The following SYNE1 variants were observed in gnomAD, a reference collection of about 807,000 sequenced individuals.
SYNE1 encodes spectrin repeat containing nuclear envelope protein 1, also known as nesprin-1.
In SYNE1, 616 loss-of-function variants were observed where a neutral mutation model predicts 1,111.0. The ratio of observed to expected loss-of-function variants is 0.55; its 90% CI spans 0.52 to 0.59. SYNE1 has a LOEUF of 0.59. Ranked by LOEUF, SYNE1 falls within the 20% of genes least tolerant of loss-of-function variation. The probability of loss-of-function intolerance (pLI) is 0.00; values close to 1 mark genes in which losing one functional copy is unlikely to be tolerated. For missense variants in SYNE1, 10,006 were observed against 10,417.0 expected, an observed-to-expected ratio of 0.96 and a Z score of 1.72; for synonymous variants, 3,855 against 3,825.8, an observed-to-expected ratio of 1.01 and a Z score of -0.28.
chr6:152,206,457 C>A, intron 125 of SYNE1, 95 bp from the exon 126 acceptor site: 2 of 1,381,018 alleles, frequency 1.4e-6, no homozygotes, highest in Non-Finnish European at 2.0e-6. Context: ...TGCCCTCTTT[C>A]ATCCAGCAAG....
rs889885200 is a variant in SYNE1, at chr6:152,381,199, T to C, written c.8816A>G (p.Gln2939Arg). 6.2e-7 allele frequency: 1 copy of C among 1,614,090 alleles called. No individual in the cohort carries two copies. The highest frequency in any genetic ancestry group is 1.3e-5 in the African/African-American group (1 of 74,926). Residue 2939 changes from glutamine to arginine, a missense_variant, in exon 56 of 146, where the codon CAA becomes CGA. Coordinates refer to ENST00000367255, the MANE Select transcript of SYNE1 (RefSeq NM_182961.4). ...DWKQWEDSVF[Q>R]TQSCLENLVS... ...CAGGTTCTCCAAACAGCTCTGCGTT[T>C]GGAATACACTGTCTTCCCACTGCTT...
chr6:152,377,654 T>TATATATAC (rs2097319096), intron 56 of SYNE1, among the ~76,000 whole-genome samples: 2 of 106,568 alleles, frequency 1.9e-5, no homozygotes, highest in African/African-American at 6.6e-5. Flanking sequence ...TATATATATA[T>TATATATAC]ATATATATAT....
At chr6:152,459,383 C>T (rs183130067) in intron 21 of SYNE1, among the ~76,000 whole-genome samples, 2 of 152,286 alleles carry the variant, frequency 1.3e-5, no homozygotes, top group East Asian at 3.9e-4. Context: ...CCCTTGACTG[C>T]TGATAAACTT....
rs1188100841 is a variant in SYNE1 at position 152,539,969 on chromosome 6, A to G, written c.120T>C (p.His40=). ...KRTFTKWINS[H]LAKRKPPMVV... ...GGGTAGTTTCCTTTACCTTGGCCAG[A>G]TGAGAGTTGATCCATTTTGTGAAAG... The change falls in exon 4 of 146, where the codon CAT becomes CAC. Residue 40 remains histidine (H), a synonymous_variant. Transcript: ENST00000367255. 9 of 1,613,948 alleles carry G rather than the reference A, an allele frequency of 5.6e-6. No individual in the cohort carries two copies. The highest frequency in any genetic ancestry group is 7.6e-6 in the Non-Finnish European group (9 of 1,179,894).
At chr6:152,586,771 G>A (rs1386974758) in intron 3 of SYNE1, among the ~76,000 whole-genome samples, 1 of 151,698 alleles carries the variant, frequency 6.6e-6, no homozygotes, top group Non-Finnish European at 1.5e-5. Context: ...TTTCTTCTTT[G>A]GGTTATTACT....
At chr6:152,379,240 T>C (rs781411332) in intron 56 of SYNE1, among the ~76,000 whole-genome samples, 1 of 152,308 alleles carries the variant, frequency 6.6e-6, no homozygotes, top group Admixed American at 6.5e-5. Flanking sequence ...TATCAGCTTA[T>C]GTATTTCTGA....
intron 84 of SYNE1, 124 bp from the exon 85 acceptor site, chr6:152,319,139 A>G: frequency 7.4e-7 from 1 of 1,350,014 alleles, no homozygotes; most frequent in Non-Finnish European, 1.0e-6. Context: ...ACCTGGTCAC[A>G]CCAGCGATGT....
At chr6:152,267,368 C>A (rs2092810813) in intron 100 of SYNE1, among the ~76,000 whole-genome samples, 1 of 152,102 alleles carries the variant, frequency 6.6e-6, no homozygotes, top group Non-Finnish European at 1.5e-5. Flanking sequence ...AGTTGACATT[C>A]ATAATTATCA....
chr6:152,416,985 C>G lies in SYNE1; in HGVS notation c.5452G>C (p.Gly1818Arg). ...TGACCCTGCAGACTCTGCAATTCGC[C>G]CTTTTTGCTCTCTACTTCTGCTGCG... ...DHAAEVESKK[G>R]ELQSLQGHLA... Residue 1818 changes from glycine to arginine, a missense_variant, in exon 41 of 146, where the codon GGC (glycine) becomes CGC (arginine). Coordinates refer to ENST00000367255, the MANE Select transcript of SYNE1 (RefSeq NM_182961.4). 1 of 1,614,162 alleles carries G rather than the reference C, an allele frequency of 6.2e-7. No homozygotes were observed. The highest frequency in any genetic ancestry group is 8.5e-7 in the Non-Finnish European group (1 of 1,180,032).
intron 139 of SYNE1, 99 bp from the exon 140 acceptor site, chr6:152,140,260 C>T: frequency 8.1e-7 from 1 of 1,228,178 alleles, no homozygotes; most frequent in Non-Finnish European, 1.2e-6. Context: ...TAAATAGCAA[C>T]AGAAAGAAAA....
chr6:152,498,379 T>C (rs992769214), intron 11 of SYNE1, among the ~76,000 whole-genome samples: 1 of 152,216 alleles, frequency 6.6e-6, no homozygotes, highest in Non-Finnish European at 1.5e-5. Flanking sequence ...CATTTTAAGA[T>C]ACAAAACTAA....
At position 152,359,629 on chromosome 6, in the gene SYNE1, G is replaced by GGTGTGTGT. The variant is rs57095244; in HGVS notation, c.10300-179_10300-172dup. ...ACACAGATATGTGTGTGAATGCATG[G>GGTGTGTGT]GTGTGTGTGTGTGTGTGTGTGTGTA... On this transcript the variant is annotated intron_variant, in intron 64 of 145. Transcript: ENST00000367255. 7.0e-3 allele frequency among the ~76,000 whole-genome samples: 1,047 copies of GGTGTGTGT among 148,580 alleles called. 4 individuals carry two copies. The highest frequency in any genetic ancestry group is 0.013 in the African/African-American group (527 of 40,642).
rs971285273 is a variant in SYNE1 at position 152,122,284 on chromosome 6, A to C, written c.*152T>G. On this transcript the variant is annotated 3_prime_UTR_variant, in exon 146 of 146. Transcript: ENST00000367255. ...CTGTTTATCTTCCACCTCTGAAGCC[A>C]TAATTTGCACACATGTGATCTGGAG... 4.1e-6 allele frequency: 5 copies of C among 1,206,340 alleles called. No homozygotes were observed. The African/African-American group carries it at 4.5e-5, about 11-fold the overall frequency. The allele number at this position is 1,206,340 out of a possible 1,614,324, so 74.7% of individuals were successfully genotyped here.
chr6:152,346,836 C>A (rs1392819269), intron 73 of SYNE1, among the ~76,000 whole-genome samples: 1 of 150,790 alleles, frequency 6.6e-6, no homozygotes. Context: ...AACAAAAAAA[C>A]CAATATCTGA....
intron 25 of SYNE1, among the ~76,000 whole-genome samples, chr6:152,453,084 C>A (rs867433316): frequency 6.6e-6 from 1 of 152,120 alleles, no homozygotes; most frequent in African/African-American, 2.4e-5. Context: ...ATCTCCTTTA[C>A]TGAACTCTTA....
chr6:152,164,543 G>A (rs1446542176), intron 130 of SYNE1, among the ~76,000 whole-genome samples: 2 of 152,198 alleles, frequency 1.3e-5, no homozygotes, highest in South Asian at 2.1e-4. Flanking sequence ...CAGGGCACAG[G>A]AGCAGAGATA....
At chr6:152,480,530 A>G (rs967897700) in intron 14 of SYNE1, among the ~76,000 whole-genome samples, 9 of 152,332 alleles carry the variant, frequency 5.9e-5, no homozygotes, top group Admixed American at 4.6e-4. Context: ...TTCAATAATA[A>G]TAATAATTCA....
intron 24 of SYNE1, among the ~76,000 whole-genome samples, chr6:152,455,097 C>T (rs770663527): frequency 9.2e-5 from 14 of 152,170 alleles, no homozygotes; most frequent in African/African-American, 1.7e-4. Context: ...CTTAGCTAGT[C>T]ACCTCGAGTT....
intron 129 of SYNE1, 37 bp downstream of exon 129, chr6:152,180,099 T>G (rs775955269): frequency 6.2e-7 from 1 of 1,612,364 alleles, no homozygotes; most frequent in South Asian, 1.1e-5. Flanking sequence ...ATAAGCCTTA[T>G]GAAGAATGAA....
Sources: allele counts gnomAD v4.1 joint callset (sites outside exome capture counted in the v4.1 genomes callset), GRCh38; gene constraint gnomAD v4.1.1; transcripts MANE v1.5; gene names NCBI Gene and HGNC (gene_info 2026-07-23, HGNC 2026-07-21).